Variants in DAB1 observed in about 807,000 individuals in gnomAD.
DAB1 encodes disabled homolog 1.
DAB1 carries 15 observed loss-of-function variants against 64.6 expected under a neutral mutation model. The ratio of observed to expected loss-of-function variants is 0.23; its 90% CI spans 0.16 to 0.36. The LOEUF (loss-of-function observed/expected upper bound fraction) is 0.36, where lower values mean the gene tolerates loss of function less well. Among genes scored for constraint, DAB1 ranks in the 10% least tolerant of loss-of-function variants. DAB1 has a pLI of 1.00. For missense variants in DAB1, 596 were observed against 706.7 expected (o/e 0.84, Z 1.78); for synonymous variants, 235 against 251.9 (o/e 0.93, Z 0.64).
chr1:58,332,812 G>T (rs945951601), intron 4 of DAB1, among the ~76,000 whole-genome samples: 3 of 152,180 alleles, frequency 2.0e-5, no homozygotes, highest in African/African-American at 7.2e-5. Flanking sequence ...ACTCTTTCAG[G>T]TTGTCAGCTT....
intron 4 of DAB1, among the ~76,000 whole-genome samples, chr1:58,255,791 T>C (rs1436430569): frequency 1.3e-5 from 2 of 152,164 alleles, no homozygotes; most frequent in Non-Finnish European, 2.9e-5. Context: ...GCATCTAATG[T>C]GGTGACAGAC....
chr1:57,071,448 G>A, intron 6 of DAB1, 74 bp downstream of exon 6: 1 of 1,525,726 alleles, frequency 6.6e-7, no homozygotes. Flanking sequence ...GGAAGAGAAG[G>A]CCTGACTGTC....
At chr1:57,448,746 CA>C (rs1431444560) in intron 7 of DAB1, among the ~76,000 whole-genome samples, 1 of 148,140 alleles carries the variant, frequency 6.8e-6, no homozygotes, top group African/African-American at 2.5e-5. Context: ...TTCACAATAG[CA>C]AGTGTAGCAA....
rs558693677 is a variant in DAB1 at position 58,148,340 on chromosome 1, T to A, written n.387+2171A>T. ...TGATATTTTCAGAACACACACCACATCATACTATTTCCTCAGCTTGAAACT... is the reference window on the plus strand; with the variant it reads ...TGATATTTTCAGAACACACACCACAACATACTATTTCCTCAGCTTGAAACT... On this transcript the variant is annotated intron_variant and non_coding_transcript_variant, in intron 5 of 20. Coordinates refer to the DAB1 transcript ENST00000485760. Among the ~76,000 whole-genome samples, 70 of 152,314 alleles carry A rather than the reference T, an allele frequency of 4.6e-4. No individual in the cohort carries two copies. In the South Asian group the frequency reaches 0.014, roughly 31 times the overall value.
rs1219655257 is a variant in DAB1, at chr1:57,951,334, T to TATATC, written n.388-67173_388-67172insGATAT. Among the ~76,000 whole-genome samples, 145 of 63,884 alleles carry TATATC rather than the reference T, an allele frequency of 2.3e-3. 17 individuals carry two copies. Among genetic ancestry groups the TATATC allele is most frequent in the Middle Eastern group, 6.8e-3 (1 of 148 alleles). 41.9% of individuals were successfully genotyped at this position (63,884 alleles called of 152,430 possible). On this transcript the variant is annotated intron_variant and non_coding_transcript_variant, in intron 5 of 20. Transcript: ENST00000485760. ...GCCTGATTCATATATATATATATAC[T>TATATC]TCCCTGGAAACTTAAATTAGCCCAA...
chr1:57,036,978 A>T (rs1306468492), intron 9 of DAB1, among the ~76,000 whole-genome samples: 2 of 152,204 alleles, frequency 1.3e-5, no homozygotes, highest in Admixed American at 6.5e-5. Context: ...ACAAAGGAAG[A>T]AAATCTTTTT....
chr1:58,209,314 C>T (rs1047443230), intron 4 of DAB1, among the ~76,000 whole-genome samples: 12 of 152,164 alleles, frequency 7.9e-5, no homozygotes, highest in African/African-American at 2.2e-4. Flanking sequence ...ACAAATTAAT[C>T]GTCTTTGTTG....
At chr1:57,310,875 G>A (rs992633375) in intron 1 of DAB1, among the ~76,000 whole-genome samples, 4 of 152,068 alleles carry the variant, frequency 2.6e-5, no homozygotes, top group African/African-American at 4.8e-5. Flanking sequence ...GCTTACTCCT[G>A]TAATCCCGGC....
intron 5 of DAB1, among the ~76,000 whole-genome samples, chr1:58,036,576 A>C (rs963467243): frequency 9.9e-5 from 15 of 152,236 alleles, no homozygotes; most frequent in Non-Finnish European, 1.6e-4. Context: ...TTTTATCATC[A>C]TAACAGTAGT....
chr1:57,722,190 T>C (rs576616620), intron 6 of DAB1, among the ~76,000 whole-genome samples: 1 of 152,018 alleles, frequency 6.6e-6, no homozygotes, highest in African/African-American at 2.4e-5. Context: ...AATTCACACT[T>C]TATGTAAAGC....
chr1:57,295,667 G>T (rs549431860), intron 1 of DAB1, among the ~76,000 whole-genome samples: 4 of 152,192 alleles, frequency 2.6e-5, no homozygotes, highest in Admixed American at 2.6e-4. Context: ...AGATACACAG[G>T]ATAAACAAAC....
At chr1:58,052,641 T>C (rs1366257411) in intron 5 of DAB1, among the ~76,000 whole-genome samples, 1 of 152,222 alleles carries the variant, frequency 6.6e-6, no homozygotes, top group East Asian at 1.9e-4. Flanking sequence ...TTGGGCAGTA[T>C]GGCCATTTTC....
rs370639628 is a variant in DAB1, at chr1:57,395,426, A to C, written c.-137+28504T>G. Among the ~76,000 whole-genome samples, 8 of 152,276 alleles carry C rather than the reference A, an allele frequency of 5.3e-5. No homozygotes were observed. In the South Asian group the frequency reaches 1.7e-3, roughly 32 times the overall value. On this transcript the variant is annotated intron_variant, in intron 1 of 14. Coordinates refer to ENST00000371236, the MANE Select transcript of DAB1 (RefSeq NM_001365792.1). ...GCCTTACCCTAATAAACTAGCTCTGAGCTACCAAATTGGATGTCACATATC... is the reference window on the plus strand; with the variant it reads ...GCCTTACCCTAATAAACTAGCTCTGCGCTACCAAATTGGATGTCACATATC...
chr1:57,295,462 G>A (rs530762440), intron 1 of DAB1, among the ~76,000 whole-genome samples: 12 of 152,198 alleles, frequency 7.9e-5, no homozygotes, highest in African/African-American at 2.9e-4. Context: ...TTCATCCAAG[G>A]TATAAAGCAC....
chr1:58,350,520 T>C, intron 3 of DAB1, among the ~76,000 whole-genome samples: 1 of 152,346 alleles, frequency 6.6e-6, no homozygotes, highest in African/African-American at 2.4e-5. Flanking sequence ...GTTTTCATCA[T>C]GAAGTCTTTG....
At chr1:57,128,149 A>C (rs946088668) in intron 4 of DAB1, among the ~76,000 whole-genome samples, 3 of 123,908 alleles carry the variant, frequency 2.4e-5, no homozygotes, top group African/African-American at 7.4e-5. Flanking sequence ...GTCTCAAAAA[A>C]TAAAAATAAA....
At chr1:57,521,885 G>A (rs554771530) in intron 7 of DAB1, among the ~76,000 whole-genome samples, 7 of 152,200 alleles carry the variant, frequency 4.6e-5, no homozygotes, top group Admixed American at 2.6e-4. Flanking sequence ...TGAGGCGGGC[G>A]GATCACTTAA....
intron 5 of DAB1, among the ~76,000 whole-genome samples, chr1:58,039,090 C>T (rs1330538415): frequency 6.6e-6 from 1 of 152,158 alleles, no homozygotes; most frequent in Non-Finnish European, 1.5e-5. Context: ...GCTTTGATGT[C>T]TGGGGCCTTG....
intron 4 of DAB1, among the ~76,000 whole-genome samples, chr1:58,234,598 G>A (rs1448485344): frequency 6.6e-6 from 1 of 152,140 alleles, no homozygotes; most frequent in African/African-American, 2.4e-5. Flanking sequence ...AGGAATGCTA[G>A]AATCACAGCC....
Sources: gnomAD v4.1 joint callset for allele counts (sites outside exome capture counted in the v4.1 genomes callset) on GRCh38, gnomAD v4.1.1 for gene constraint, MANE v1.5 for transcripts, NCBI Gene and HGNC (gene_info 2026-07-23, HGNC 2026-07-21) for gene names.